PRKN: variants seen among roughly 807,000 people sequenced by gnomAD.
The protein encoded by PRKN is E3 ubiquitin-protein ligase parkin.
In PRKN, 56 loss-of-function variants were observed where a neutral mutation model predicts 59.5. That is an observed-to-expected ratio of 0.94 (90% CI 0.76 to 1.18). PRKN has a LOEUF of 1.18. Among genes scored for constraint, PRKN ranks in the 50% most tolerant of loss-of-function variants. The pLI is 0.00. For missense variants in PRKN, 657 were observed against 596.4 expected (o/e 1.10, Z -1.06); for synonymous variants, 250 against 222.1 (o/e 1.13, Z -1.12).
chr6:162,414,726 A>AAAAAAAAAAAAAAAAAAAAAAT (rs34838356), intron 2 of PRKN, among the ~76,000 whole-genome samples: 4 of 91,866 alleles, frequency 4.4e-5, no homozygotes, highest in Non-Finnish European at 8.3e-5. Context: ...AAAAAAAAAA[A>AAAAAAAAAAAAAAAAAAAAAAT]AGTGAATCTT....
rs561775250 is a variant in PRKN, at chr6:162,227,131, G to A, written c.413-25879C>T. On this transcript the variant is annotated intron_variant, in intron 3 of 11. Coordinates refer to ENST00000366898, the MANE Select transcript of PRKN (RefSeq NM_004562.3). ...CGTAACTATCCTAGTATACGTATGG[G>A]ACTTGCATACAGTCTTCCGCATATG... 3.3e-5 allele frequency among the ~76,000 whole-genome samples: 5 copies of A among 152,246 alleles called. No individual in the cohort carries two copies. The East Asian group carries it at 9.7e-4, about 29-fold the overall frequency.
chr6:161,487,578 A>C lies in PRKN; in HGVS notation c.1083+61276T>G, dbSNP rs1428829840. Among the ~76,000 whole-genome samples the C allele has an allele frequency of 6.6e-6, 1 of 152,196 alleles. No individual in the cohort carries two copies. Among genetic ancestry groups the C allele is most frequent in the Non-Finnish European group, 1.5e-5 (1 of 68,032 alleles). On this transcript the variant is annotated intron_variant, in intron 9 of 11. Transcript: ENST00000366898. The surrounding 1 kb of genome is among the most constrained non-coding windows in gnomAD (Gnocchi z 5.3). ...TCACATTTTGATGGTCGCTTAGGTA[A>C]ACTAAGATCTATTTTAGACTTGCAA...
chr6:161,831,370 T>C (rs531195778), intron 6 of PRKN, among the ~76,000 whole-genome samples: 1 of 152,354 alleles, frequency 6.6e-6, no homozygotes, highest in Admixed American at 6.5e-5. Flanking sequence ...TGCTTACAGA[T>C]CATCGGCTTC....
intron 2 of PRKN, among the ~76,000 whole-genome samples, chr6:162,437,593 C>G (rs6927019): frequency 0.24 from 36,884 of 152,056 alleles, 4,528 homozygotes; most frequent in African/African-American, 0.26. Flanking sequence ...GCTTCCACCC[C>G]CTTCAGAACT....
intron 2 of PRKN, among the ~76,000 whole-genome samples, chr6:162,397,515 C>T (rs537855918): frequency 4.6e-5 from 7 of 151,772 alleles, no homozygotes; most frequent in African/African-American, 7.3e-5. Flanking sequence ...ATGCAGAAGC[C>T]GAAGACAAGC....
At chr6:162,432,958 A>C (rs1789607957) in intron 2 of PRKN, among the ~76,000 whole-genome samples, 1 of 152,194 alleles carries the variant, frequency 6.6e-6, no homozygotes, top group African/African-American at 2.4e-5. Context: ...GTATTTTCTT[A>C]AGATAACTGT....
At chr6:161,591,475 T>A (rs960114630) in intron 7 of PRKN, among the ~76,000 whole-genome samples, 1 of 152,214 alleles carries the variant, frequency 6.6e-6, no homozygotes, top group South Asian at 2.1e-4. Flanking sequence ...CGGCTAGAGT[T>A]TTCTGAATAC....
intron 2 of PRKN, among the ~76,000 whole-genome samples, chr6:162,267,867 A>G (rs1780206974): frequency 6.6e-6 from 1 of 152,190 alleles, no homozygotes; most frequent in Admixed American, 6.5e-5. Context: ...ATAATATACA[A>G]AAAACTGATG....
chr6:161,615,818 G>A (rs1191470278), intron 7 of PRKN, among the ~76,000 whole-genome samples: 1 of 152,238 alleles, frequency 6.6e-6, no homozygotes, highest in African/African-American at 2.4e-5. Flanking sequence ...ATGAAGCAAA[G>A]GGGGAGAGAA....
intron 7 of PRKN, among the ~76,000 whole-genome samples, chr6:161,659,165 T>C (rs138793930): frequency 7.9e-5 from 12 of 152,378 alleles, no homozygotes; most frequent in African/African-American, 2.9e-4. Context: ...ATGTGGTTTA[T>C]ATAGCACTTC....
At chr6:161,951,318 T>G (rs1158793195) in intron 6 of PRKN, among the ~76,000 whole-genome samples, 3 of 152,214 alleles carry the variant, frequency 2.0e-5, no homozygotes, top group Non-Finnish European at 4.4e-5. Flanking sequence ...TCTGGAGAAG[T>G]GCTTTTAATC....
chr6:162,637,892 A>G (rs566407225), intron 1 of PRKN, among the ~76,000 whole-genome samples: 8 of 152,256 alleles, frequency 5.3e-5, no homozygotes, highest in African/African-American at 1.9e-4. Flanking sequence ...AACAGGAAAT[A>G]CAAAAATTTT....
At chr6:161,479,612 C>T (rs528441824) in intron 9 of PRKN, among the ~76,000 whole-genome samples, 1 of 152,220 alleles carries the variant, frequency 6.6e-6, no homozygotes, top group African/African-American at 2.4e-5. Flanking sequence ...ATGCTCTGTC[C>T]CCGGGGAAGA....
intron 4 of PRKN, among the ~76,000 whole-genome samples, chr6:162,064,610 C>T (rs1010417480): frequency 7.2e-5 from 11 of 152,228 alleles, no homozygotes; most frequent in Non-Finnish European, 1.3e-4. Flanking sequence ...CTGTGTCCTA[C>T]ATATATCTAT....
intron 10 of PRKN, among the ~76,000 whole-genome samples, chr6:161,365,843 A>G (rs1785174548): frequency 1.3e-5 from 2 of 152,146 alleles, no homozygotes. Context: ...ACATTTCCAC[A>G]CTAGTGTGCA....
intron 6 of PRKN, among the ~76,000 whole-genome samples, chr6:161,787,079 G>A (rs1011364649): frequency 6.6e-6 from 1 of 152,052 alleles, no homozygotes; most frequent in African/African-American, 2.4e-5. Flanking sequence ...CTATGTAATT[G>A]TAACAAAATA....
At chr6:162,113,661 T>C (rs143374864) in intron 4 of PRKN, among the ~76,000 whole-genome samples, 158 of 152,310 alleles carry the variant, frequency 1.0e-3, no homozygotes, top group African/African-American at 3.4e-3. Context: ...TTTTGGACTC[T>C]AAATTATCCC....
chr6:162,370,564 G>T (rs1300854656), intron 2 of PRKN, among the ~76,000 whole-genome samples: 3 of 152,100 alleles, frequency 2.0e-5, no homozygotes, highest in Non-Finnish European at 4.4e-5. Context: ...TTGGAGGGGT[G>T]GGAGAGAAAG....
intron 1 of PRKN, among the ~76,000 whole-genome samples, chr6:162,614,607 T>C (rs1445477163): frequency 6.6e-6 from 1 of 152,152 alleles, no homozygotes; most frequent in African/African-American, 2.4e-5. Context: ...TGCCCTGTGG[T>C]CTAAATCAAA....
Sources: gnomAD v4.1 joint callset for allele counts (sites outside exome capture counted in the v4.1 genomes callset) on GRCh38, gnomAD v4.1.1 for gene constraint, Gnocchi (gnomAD v3.1) non-coding constraint, MANE v1.5 for transcripts, NCBI Gene and HGNC (gene_info 2026-07-23, HGNC 2026-07-21) for gene names.